Variants in TMX4 observed in about 807,000 individuals in gnomAD.
TMX4 encodes the protein thioredoxin related transmembrane protein 4, also known as thioredoxin-related transmembrane protein 4.
A neutral mutation model predicts 33.3 loss-of-function variants in TMX4; 23 were observed. The ratio of observed to expected loss-of-function variants is 0.69; its 90% CI spans 0.50 to 0.98. The LOEUF (loss-of-function observed/expected upper bound fraction) is 0.98, where lower values mean the gene tolerates loss of function less well. Ranked by LOEUF, TMX4 falls within the 50% of genes least tolerant of loss-of-function variation. The pLI is 0.00. For synonymous variants in TMX4, 164 were observed against 161.5 expected (o/e 1.02, Z -0.12); for missense variants, 399 against 448.9 (o/e 0.89, Z 1.01).
chr20:8,011,030 C>T (rs183341416), intron 1 of TMX4, among the ~76,000 whole-genome samples: 128 of 152,130 alleles, frequency 8.4e-4, no homozygotes, highest in African/African-American at 2.9e-3. Context: ...CAGAAATGAA[C>T]AGAGATAAGC....
intron 5 of TMX4, among the ~76,000 whole-genome samples, 169 bp from the exon 6 acceptor site, chr20:7,987,558 AG>A (rs2050636331): frequency 6.6e-6 from 1 of 152,160 alleles, no homozygotes; most frequent in Non-Finnish European, 1.5e-5. Context: ...AACTGAGAGT[AG>A]TAATTAAGGT....
chr20:8,006,760 C>T (rs957605781), intron 2 of TMX4, among the ~76,000 whole-genome samples: 3 of 139,518 alleles, frequency 2.2e-5, no homozygotes, highest in South Asian at 2.3e-4. Context: ...ACTTCTTCTT[C>T]TTTTTTTTTT....
At chr20:8,006,777 A>G (rs1364073645) in intron 2 of TMX4, among the ~76,000 whole-genome samples, 1 of 115,046 alleles carries the variant, frequency 8.7e-6, no homozygotes, top group Admixed American at 8.8e-5. Context: ...TTTTTTTTTG[A>G]GACAAAGTTA....
chr20:8,009,377 G>A lies in TMX4; in HGVS notation c.292+823C>T, dbSNP rs549730685. Among the ~76,000 whole-genome samples, 3 of 152,046 alleles carry A rather than the reference G, an allele frequency of 2.0e-5. No homozygotes were observed. In the South Asian group the frequency reaches 6.2e-4, roughly 31 times the overall value. ...TGACAGAACTAGAAATTCACTCTCTGGAACCACAGTGAAATATAATATCTG... is the reference window on the plus strand; with the variant it reads ...TGACAGAACTAGAAATTCACTCTCTAGAACCACAGTGAAATATAATATCTG... On this transcript the variant is annotated intron_variant, in intron 2 of 7. Transcript: ENST00000246024.
At chr20:7,983,439 G>T (rs1226556640) in intron 7 of TMX4, among the ~76,000 whole-genome samples, 1 of 152,164 alleles carries the variant, frequency 6.6e-6, no homozygotes, top group African/African-American at 2.4e-5. Flanking sequence ...GATTTGGGAA[G>T]ACTGCTTTTA....
intron 3 of TMX4, 29 bp from the exon 4 acceptor site, chr20:7,999,889 A>G: frequency 6.3e-7 from 1 of 1,591,396 alleles, no homozygotes; most frequent in African/African-American, 1.4e-5. Context: ...AGTAGAAAGC[A>G]AATGCATTAA....
intron 5 of TMX4, among the ~76,000 whole-genome samples, chr20:7,994,925 G>A (rs1215987433): frequency 6.6e-6 from 1 of 152,176 alleles, no homozygotes; most frequent in Non-Finnish European, 1.5e-5. Context: ...TATCTGGAGA[G>A]GGGGAAATAT....
At chr20:7,987,494 G>T in intron 5 of TMX4, 105 bp from the exon 6 acceptor site, 1 of 683,810 alleles carries the variant, frequency 1.5e-6, no homozygotes, top group Non-Finnish European at 2.3e-6. Flanking sequence ...TTCCCACAAA[G>T]CTTTATGTAT....
intron 1 of TMX4, chr20:8,018,803 TATA>T (rs764281390): frequency 1.7e-5 from 4 of 235,852 alleles, no homozygotes; most frequent in South Asian, 4.0e-5. Flanking sequence ...CTTTACAAGT[TATA>T]ATAAGTATCA....
chr20:7,987,312 C>T lies in TMX4; in HGVS notation c.591G>A (p.Leu197=). 1 of 1,593,500 alleles carries T rather than the reference C, an allele frequency of 6.3e-7. No homozygotes were observed. The highest frequency in any genetic ancestry group is 8.5e-7 in the Non-Finnish European group (1 of 1,173,944). The change falls in exon 6 of 8, where the codon TTG becomes TTA. Residue 197 remains leucine, a synonymous_variant. Coordinates refer to ENST00000246024, the MANE Select transcript of TMX4 (RefSeq NM_021156.4). ...CSYVFFVIAT[L]VFGLFMGLVL... is the part of the protein sequence containing the mutation. ...CCAGACCCATAAAAAGGCCAAAAACCAAGGTGGCTATGACGAAAAAGACAT... is the reference window on the plus strand; with the variant it reads ...CCAGACCCATAAAAAGGCCAAAAACTAAGGTGGCTATGACGAAAAAGACAT...
chr20:8,010,098 G>A, intron 2 of TMX4, 102 bp downstream of exon 2: 1 of 880,088 alleles, frequency 1.1e-6, no homozygotes, highest in South Asian at 1.5e-5. Flanking sequence ...CCAGTTCATG[G>A]GTAATCAATA....
intron 5 of TMX4, among the ~76,000 whole-genome samples, chr20:7,988,368 T>A (rs1338866366): frequency 6.6e-6 from 1 of 152,228 alleles, no homozygotes; most frequent in Admixed American, 6.5e-5. Flanking sequence ...AAAATCTAAA[T>A]CACTCCCATT....
At chr20:7,994,139 T>C (rs543095076) in intron 5 of TMX4, among the ~76,000 whole-genome samples, 1 of 152,278 alleles carries the variant, frequency 6.6e-6, no homozygotes, top group South Asian at 2.1e-4. Flanking sequence ...TAAAATGTAA[T>C]TACTTGTGTG....
At position 7,982,312 on chromosome 20, in the gene TMX4, G is replaced by GT. The variant is rs772023244; in HGVS notation, c.988dup (p.Thr330AsnfsTer12). ...CCTCAAGGAGTCTTCCACCACCTCT[G>GT]TGTCAGCTGGGCAGGGTTGCTCAGA... On this transcript the variant is annotated frameshift_variant, in exon 8 of 8. Coordinates refer to ENST00000246024, the MANE Select transcript of TMX4 (RefSeq NM_021156.4). LOFTEE classifies it high-confidence loss of function. The GT allele has an allele frequency of 6.2e-7, 1 of 1,614,098 alleles. No individual in the cohort carries two copies. Among genetic ancestry groups the GT allele is most frequent in the Non-Finnish European group, 8.5e-7 (1 of 1,180,032 alleles).
chr20:8,019,166 C>A lies in TMX4; in HGVS notation c.176+272G>T. ...GACGCGCTGCACCCTCGGCTGTCACCGCGAGGGCTCGGCGCGCATGCGCGG... is the reference window on the plus strand; with the variant it reads ...GACGCGCTGCACCCTCGGCTGTCACAGCGAGGGCTCGGCGCGCATGCGCGG... On this transcript the variant is annotated intron_variant, in intron 1 of 7. Coordinates refer to ENST00000246024, the MANE Select transcript of TMX4 (RefSeq NM_021156.4). The A allele has an allele frequency of 1.3e-5, 6 of 478,376 alleles. 1 individual carries two copies. The highest frequency in any genetic ancestry group is 9.1e-5 in the South Asian group (4 of 43,772). The allele number at this position is 478,376 out of a possible 1,614,324, so 29.6% of individuals were successfully genotyped here.
intron 2 of TMX4, 61 bp from the exon 3 acceptor site, chr20:8,001,602 A>G: frequency 6.8e-7 from 1 of 1,462,778 alleles, no homozygotes; most frequent in South Asian, 1.3e-5. Context: ...AGCATTCTTG[A>G]GCTTACTTTC....
At chr20:7,996,148 G>A in intron 4 of TMX4, 77 bp from the exon 5 acceptor site, 1 of 1,175,658 alleles carries the variant, frequency 8.5e-7, no homozygotes, top group Non-Finnish European at 1.2e-6. Context: ...CAGGAGGACT[G>A]GTCTATTTCC....
chr20:8,019,022 T>A, intron 1 of TMX4: 1 of 453,022 alleles, frequency 2.2e-6, no homozygotes, highest in Non-Finnish European at 4.4e-6. Context: ...TCCTTTCTCT[T>A]CCAATACATA....
rs1313691437 is a variant in TMX4, at chr20:7,996,211, C to G, written c.468-140G>C. ...TCTCCCAGATTCATATCTGTTCTTA[C>G]AGAGCTTAGATTCAGTGGCTATCAT... On this transcript the variant is annotated intron_variant, in intron 4 of 7. Coordinates refer to ENST00000246024, the MANE Select transcript of TMX4 (RefSeq NM_021156.4). The G allele has an allele frequency of 4.7e-6, 3 of 638,160 alleles. No homozygotes were observed. The African/African-American group carries it at 5.6e-5, about 12-fold the overall frequency. 39.5% of individuals were successfully genotyped at this position (638,160 alleles called of 1,614,324 possible).
Sources: allele counts gnomAD v4.1 joint callset (sites outside exome capture counted in the v4.1 genomes callset), GRCh38; gene constraint gnomAD v4.1.1; transcripts MANE v1.5; gene names NCBI Gene and HGNC (gene_info 2026-07-23, HGNC 2026-07-21).